NCKAP5: variants seen among roughly 807,000 people sequenced by gnomAD.
The protein encoded by NCKAP5 is nck-associated protein 5.
A neutral mutation model predicts 167.0 loss-of-function variants in NCKAP5; 92 were observed. That is an observed-to-expected ratio of 0.55 (90% confidence interval 0.47 to 0.66). The LOEUF is 0.66. Ranked by LOEUF, NCKAP5 falls within the 30% of genes least tolerant of loss-of-function variation. The pLI is 0.00. For synonymous variants in NCKAP5, 891 were observed against 877.4 expected (o/e 1.02, Z -0.27); for missense variants, 2,378 against 2,315.0 (o/e 1.03, Z -0.56).
At chr2:132,806,590 G>T (rs1301541948) in intron 11 of NCKAP5, among the ~76,000 whole-genome samples, 1 of 152,044 alleles carries the variant, frequency 6.6e-6, no homozygotes, top group Non-Finnish European at 1.5e-5. Context: ...GTCTATTCAC[G>T]TCCTTAGCCC....
At chr2:133,489,296 T>C (rs138352631) in intron 3 of NCKAP5, among the ~76,000 whole-genome samples, 6 of 152,310 alleles carry the variant, frequency 3.9e-5, no homozygotes, top group African/African-American at 1.4e-4. Flanking sequence ...AGGGGTTAGA[T>C]AATCTGAAAG....
At chr2:132,925,829 A>G (rs1695840688) in intron 8 of NCKAP5, among the ~76,000 whole-genome samples, 1 of 152,222 alleles carries the variant, frequency 6.6e-6, no homozygotes, top group Admixed American at 6.5e-5. Context: ...GGTAGGGGAT[A>G]CAAAGTTCTA....
chr2:133,142,938 G>T (rs1469805182), intron 5 of NCKAP5, among the ~76,000 whole-genome samples: 1 of 152,046 alleles, frequency 6.6e-6, no homozygotes, highest in Non-Finnish European at 1.5e-5. Context: ...CTGCAATATA[G>T]ACCTTTTTAT....
chr2:132,802,098 A>G (rs1461956730), intron 11 of NCKAP5, among the ~76,000 whole-genome samples: 1 of 152,162 alleles, frequency 6.6e-6, no homozygotes. Flanking sequence ...TTAAAAGCCA[A>G]ATATCGGCAC....
intron 3 of NCKAP5, among the ~76,000 whole-genome samples, chr2:133,494,418 C>T (rs1432546499): frequency 6.6e-6 from 1 of 152,094 alleles, no homozygotes; most frequent in African/African-American, 2.4e-5. Flanking sequence ...TTGAGTCTTC[C>T]CTAAACAAAC....
intron 8 of NCKAP5, among the ~76,000 whole-genome samples, chr2:132,950,077 G>C (rs2076139268): frequency 6.6e-6 from 1 of 152,108 alleles, no homozygotes; most frequent in Non-Finnish European, 1.5e-5. Flanking sequence ...CTGGGTGACA[G>C]GGTGAAACTC....
chr2:133,368,265 C>A (rs79467688), intron 3 of NCKAP5, among the ~76,000 whole-genome samples: 7,539 of 152,188 alleles, frequency 0.05, 573 homozygotes, highest in African/African-American at 0.17. Flanking sequence ...TTGCCAAAAA[C>A]TATTTTTTTC....
intron 3 of NCKAP5, among the ~76,000 whole-genome samples, chr2:133,465,125 A>C (rs935341768): frequency 6.6e-6 from 1 of 150,696 alleles, no homozygotes; most frequent in African/African-American, 2.4e-5. Context: ...GTCATCTAGC[A>C]TTAGGTGTAT....
chr2:132,763,012 A>C (rs754454195), intron 16 of NCKAP5, among the ~76,000 whole-genome samples: 1 of 152,212 alleles, frequency 6.6e-6, no homozygotes, highest in Non-Finnish European at 1.5e-5. Context: ...ATATGAATAC[A>C]TGATTCTATT....
At chr2:132,980,530 A>G (rs1383734174) in intron 7 of NCKAP5, among the ~76,000 whole-genome samples, 3 of 152,198 alleles carry the variant, frequency 2.0e-5, no homozygotes, top group Non-Finnish European at 4.4e-5. Flanking sequence ...ACTTGGAATC[A>G]AAAGATCAAG....
intron 9 of NCKAP5, among the ~76,000 whole-genome samples, chr2:132,870,003 G>C (rs1179721157): frequency 1.3e-5 from 2 of 152,154 alleles, no homozygotes; most frequent in African/African-American, 4.8e-5. Flanking sequence ...TGAGACAGCA[G>C]AAGAACCTAA....
chr2:133,044,696 A>G (rs2079331732), intron 6 of NCKAP5, among the ~76,000 whole-genome samples: 1 of 152,188 alleles, frequency 6.6e-6, no homozygotes, highest in African/African-American at 2.4e-5. Flanking sequence ...AAATGAGCCA[A>G]CAACCCAGCA....
chr2:133,517,604 T>C lies in NCKAP5; in HGVS notation c.-61-17A>G. On this transcript the variant is annotated splice_polypyrimidine_tract_variant and intron_variant, in intron 2 of 19. Transcript: ENST00000409261. ...CCAGGGTCACTGAAAAGAGTGAACATGTGTTTTACTATCCAAGTACACAGT... is the reference window on the plus strand; with the variant it reads ...CCAGGGTCACTGAAAAGAGTGAACACGTGTTTTACTATCCAAGTACACAGT... 1.1e-6 allele frequency: 1 copy of C among 898,902 alleles called. No homozygotes were observed. Among genetic ancestry groups the C allele is most frequent in the South Asian group, 2.1e-5 (1 of 48,478 alleles). 55.7% of individuals were successfully genotyped at this position (898,902 alleles called of 1,614,324 possible). A position where few individuals can be genotyped will look rare whatever the true frequency, so the allele number is the denominator to read the frequency against.
chr2:133,663,057 G>C, the NCKAP5 span, among the ~76,000 whole-genome samples: 4 of 152,222 alleles, frequency 2.6e-5, no homozygotes, highest in East Asian at 3.9e-4. Context: ...ATGAGGTCAG[G>C]AGATCGAGAC....
chr2:133,559,515 G>T (rs1044544860), intron 1 of NCKAP5, among the ~76,000 whole-genome samples: 7 of 152,100 alleles, frequency 4.6e-5, no homozygotes, highest in Non-Finnish European at 1.0e-4. Context: ...TAGAGATGGG[G>T]TCTTGTTATG....
At chr2:132,958,152 G>T (rs1306738283) in intron 8 of NCKAP5, among the ~76,000 whole-genome samples, 1 of 152,136 alleles carries the variant, frequency 6.6e-6, no homozygotes, top group Non-Finnish European at 1.5e-5. Context: ...AACCCACAGG[G>T]TTACGAACAT....
In NCKAP5 at chr2:132,725,637, G is replaced by A. The variant is rs149101895; in HGVS notation, c.5703C>T (p.Ser1901=). 2,371 of 1,609,768 alleles carry A rather than the reference G, an allele frequency of 1.5e-3. 4 individuals are homozygous for A. The highest frequency in any genetic ancestry group is 1.9e-3 in the Non-Finnish European group (2,181 of 1,178,338). ...GRGQLVKALK[S]AAPEIETT ...TTCGCTGGTTGTTACCTGGGGCAGCGCTCTTCAGTGCTTTCACTAACTGTC... is the reference window on the plus strand; with the variant it reads ...TTCGCTGGTTGTTACCTGGGGCAGCACTCTTCAGTGCTTTCACTAACTGTC... The change falls in exon 19 of 20, where the codon AGC becomes AGT. Residue 1901 remains serine, a synonymous_variant. Transcript: ENST00000409261.
intron 3 of NCKAP5, among the ~76,000 whole-genome samples, chr2:133,474,698 G>A (rs1473831533): frequency 6.6e-6 from 1 of 151,952 alleles, no homozygotes; most frequent in African/African-American, 2.4e-5. Context: ...AACAAATAAT[G>A]AATAATAAAT....
intron 3 of NCKAP5, among the ~76,000 whole-genome samples, chr2:133,499,800 C>T (rs776011995): frequency 2.2e-4 from 33 of 152,262 alleles, no homozygotes; most frequent in African/African-American, 6.7e-4. Flanking sequence ...CCTCATGATC[C>T]GCCCACCTCG....
Sources: gnomAD v4.1 joint callset for allele counts (sites outside exome capture counted in the v4.1 genomes callset) on GRCh38, gnomAD v4.1.1 for gene constraint, MANE v1.5 for transcripts, NCBI Gene and HGNC (gene_info 2026-07-23, HGNC 2026-07-21) for gene names.